Variants in ATP2C1 observed in about 807,000 individuals in gnomAD.
ATP2C1 encodes ATPase secretory pathway Ca2+ transporting 1.
A neutral mutation model predicts 120.5 loss-of-function variants in ATP2C1; 31 were observed. The ratio of observed to expected loss-of-function variants is 0.26; its 90% confidence interval spans 0.19 to 0.35. The LOEUF (loss-of-function observed/expected upper bound fraction) is 0.35, where lower values mean the gene tolerates loss of function less well. Among genes scored for constraint, ATP2C1 ranks in the 10% least tolerant of loss-of-function variants. The pLI, the probability that ATP2C1 is intolerant of heterozygous loss-of-function variation, is 1.00. For synonymous variants in ATP2C1, 351 were observed against 358.7 expected, an observed-to-expected ratio of 0.98 and a Z score of 0.24; for missense variants, 731 against 1,107.5, an observed-to-expected ratio of 0.66 and a Z score of 4.83.
chr3:130,919,068 C>A, intron 2 of ATP2C1: 1 of 488,970 alleles, frequency 2.0e-6, no homozygotes. Flanking sequence ...CTGCGTGGTG[C>A]ACGGCCCTCC....
intron 8 of ATP2C1, among the ~76,000 whole-genome samples, chr3:130,945,522 C>A (rs1402000782): frequency 4.9e-5 from 6 of 122,256 alleles, no homozygotes; most frequent in South Asian, 3.3e-4. Context: ...CCCCTCCCCC[C>A]ACCCCACGAC....
chr3:130,899,941 G>T (rs1468642754), intron 2 of ATP2C1, among the ~76,000 whole-genome samples: 2 of 152,044 alleles, frequency 1.3e-5, no homozygotes, highest in Non-Finnish European at 2.9e-5. Context: ...TTAAGTAAAG[G>T]CCTTTTGGTT....
chr3:130,999,407 C>A, intron 26 of ATP2C1, 111 bp from the exon 27 acceptor site: 1 of 1,034,646 alleles, frequency 9.7e-7, no homozygotes, highest in Admixed American at 1.7e-5. Flanking sequence ...ATTGACATTG[C>A]ACAATTCAGT....
chr3:130,932,181 T>C, intron 4 of ATP2C1, 43 bp downstream of exon 4: 1 of 1,148,580 alleles, frequency 8.7e-7, no homozygotes, highest in Middle Eastern at 1.9e-4. Context: ...AATTTATTAA[T>C]ACATGGACTT....
chr3:130,929,013 T>C (rs533960052), intron 2 of ATP2C1, among the ~76,000 whole-genome samples: 18 of 152,278 alleles, frequency 1.2e-4, no homozygotes, highest in Admixed American at 8.5e-4. Context: ...TTTCAGTGGC[T>C]CTAAAACATG....
At chr3:130,958,564 A>C (rs2060681377) in intron 11 of ATP2C1, among the ~76,000 whole-genome samples, 1 of 152,020 alleles carries the variant, frequency 6.6e-6, no homozygotes, top group Non-Finnish European at 1.5e-5. Context: ...ATTGATTTGC[A>C]GTCTTGAGAT....
chr3:130,985,432 A>G (rs2061955713), intron 20 of ATP2C1, among the ~76,000 whole-genome samples: 1 of 152,190 alleles, frequency 6.6e-6, no homozygotes, highest in Non-Finnish European at 1.5e-5. Context: ...CAGGATTTCG[A>G]GACCTGCCTG....
At chr3:130,945,189 T>G (rs2060091943) in intron 8 of ATP2C1, among the ~76,000 whole-genome samples, 1 of 152,090 alleles carries the variant, frequency 6.6e-6, no homozygotes, top group Non-Finnish European at 1.5e-5. Context: ...GCATGTTATT[T>G]GTTTTTTTTT....
chr3:130,880,278 A>G (rs2068740239), intron 1 of ATP2C1, among the ~76,000 whole-genome samples: 1 of 152,152 alleles, frequency 6.6e-6, no homozygotes, highest in Non-Finnish European at 1.5e-5. Flanking sequence ...TTTGCAGAAA[A>G]TAGTTTTGCA....
intron 10 of ATP2C1, among the ~76,000 whole-genome samples, chr3:130,955,524 G>T (rs892150064): frequency 1.3e-5 from 2 of 152,128 alleles, no homozygotes; most frequent in Non-Finnish European, 2.9e-5. Context: ...TTAAAGATGA[G>T]TTCATTTTAA....
intron 2 of ATP2C1, among the ~76,000 whole-genome samples, chr3:130,903,874 T>A (rs768237206): frequency 2.0e-5 from 3 of 152,062 alleles, no homozygotes; most frequent in Non-Finnish European, 4.4e-5. Context: ...CTTTCCTCCA[T>A]CCTTGTACCA....
At chr3:130,953,736 G>A in intron 8 of ATP2C1, 85 bp from the exon 9 acceptor site, 1 of 1,410,066 alleles carries the variant, frequency 7.1e-7, no homozygotes, top group Non-Finnish European at 1.0e-6. Context: ...AGGGATGTTT[G>A]AGGAAGAAGT....
chr3:130,956,315 ACT>A (rs2060577595), intron 11 of ATP2C1, 136 bp downstream of exon 11: 2 of 506,600 alleles, frequency 3.9e-6, no homozygotes, highest in South Asian at 4.7e-5. Flanking sequence ...TTATAAGACT[ACT>A]AGTAGCCATT....
intron 1 of ATP2C1, chr3:130,869,458 A>AAAAAAAAAAT (rs1420627247): frequency 8.6e-5 from 11 of 128,244 alleles, no homozygotes; most frequent in African/African-American, 1.1e-4. Context: ...AAAAAAAAAA[A>AAAAAAAAAAT]AGAAATGATT....
intron 2 of ATP2C1, among the ~76,000 whole-genome samples, chr3:130,916,801 A>G (rs1015413610): frequency 1.3e-5 from 2 of 151,946 alleles, no homozygotes; most frequent in African/African-American, 2.4e-5. Flanking sequence ...TCAGTTCTCT[A>G]TCTTTTTATT....
At chr3:131,016,352 A>G in exon 27 of ATP2C1, 1 of 1,614,144 alleles carries the variant, frequency 6.2e-7, no homozygotes, top group Non-Finnish European at 8.5e-7. Flanking sequence ...AAATAAAGAA[A>G]CAGCCCAAGG....
intron 20 of ATP2C1, among the ~76,000 whole-genome samples, chr3:130,992,182 T>A (rs1203559386): frequency 6.6e-6 from 1 of 152,172 alleles, no homozygotes; most frequent in Admixed American, 6.5e-5. Context: ...GGATACCGTG[T>A]TCCACCTGTA....
intron 1 of ATP2C1, among the ~76,000 whole-genome samples, chr3:130,879,370 A>G (rs1264836292): frequency 1.3e-5 from 2 of 151,650 alleles, no homozygotes; most frequent in African/African-American, 4.9e-5. Context: ...CCTGGCTGAT[A>G]TTTCTGTTTT....
Position 130,979,289 on chromosome 3 carries a change from A to G in ATP2C1, c.1611A>G (p.Thr537=), listed in dbSNP as rs748465875. The G allele has an allele frequency of 8.7e-6, 14 of 1,613,670 alleles. No individual in the cohort carries two copies. The highest frequency in any genetic ancestry group is 1.0e-5 in the Non-Finnish European group (12 of 1,179,748). ...LASGPELGQL[T]FLGLVGIIDP... is the part of the protein sequence containing the mutation. Reference sequence around the variant, plus strand: ...CTGGTCCTGAACTGGGACAGCTGACATTTCTTGGCTTGGTGGGAATCATTG... The same window carrying G: ...CTGGTCCTGAACTGGGACAGCTGACGTTTCTTGGCTTGGTGGGAATCATTG... Residue 537 remains threonine (T), a synonymous_variant, in exon 19 of 28, where the codon ACA becomes ACG. Coordinates refer to ENST00000510168, the MANE Select transcript of ATP2C1 (RefSeq NM_001378687.1).
Sources: gnomAD v4.1 joint callset for allele counts (sites outside exome capture counted in the v4.1 genomes callset) on GRCh38, gnomAD v4.1.1 for gene constraint, MANE v1.5 for transcripts, NCBI Gene and HGNC (gene_info 2026-07-23, HGNC 2026-07-21) for gene names.